RBM19: variants seen among roughly 807,000 people sequenced by gnomAD.
RBM19 encodes the protein probable RNA-binding protein 19.
In RBM19, 94 loss-of-function variants were observed where a neutral mutation model predicts 116.8. That is an observed-to-expected ratio of 0.80 (90% confidence interval 0.68 to 0.95). The LOEUF is 0.95. RBM19 is among the 40% of genes least tolerant of loss of function. The pLI is 0.00. For missense variants in RBM19, 1,161 were observed against 1,220.7 expected (o/e 0.95, Z 0.73); for synonymous variants, 475 against 494.1 (o/e 0.96, Z 0.51).
chr12:113,838,232 C>A (rs73393053), intron 23 of RBM19, among the ~76,000 whole-genome samples: 1 of 152,182 alleles, frequency 6.6e-6, no homozygotes, highest in Non-Finnish European at 1.5e-5. Flanking sequence ...ATTCACCCAG[C>A]GTGCATGGCT....
chr12:113,928,759 G>C (rs957521724), intron 16 of RBM19, among the ~76,000 whole-genome samples: 1 of 151,732 alleles, frequency 6.6e-6, no homozygotes, highest in African/African-American at 2.4e-5. Context: ...GAAGCCTCAG[G>C]AAGTTGGAAG....
intron 21 of RBM19, among the ~76,000 whole-genome samples, chr12:113,868,482 T>C (rs1188110828): frequency 1.3e-5 from 2 of 152,256 alleles, no homozygotes; most frequent in Admixed American, 6.5e-5. Flanking sequence ...TAAAGTCTTC[T>C]GGGATTTGGT....
chr12:113,835,135 C>T (rs995149531), intron 23 of RBM19, among the ~76,000 whole-genome samples: 22 of 152,174 alleles, frequency 1.4e-4, no homozygotes, highest in Admixed American at 1.4e-3. Context: ...GCACATTAGC[C>T]AGCTTTTCTG....
intron 22 of RBM19, among the ~76,000 whole-genome samples, chr12:113,846,729 T>C (rs905756534): frequency 9.9e-5 from 15 of 152,128 alleles, no homozygotes; most frequent in African/African-American, 3.1e-4. Context: ...TTAAAATGTG[T>C]TTTGAGGCAA....
intron 21 of RBM19, among the ~76,000 whole-genome samples, chr12:113,874,201 G>A (rs11066797): frequency 0.078 from 11,831 of 152,266 alleles, 629 homozygotes; most frequent in East Asian, 0.17. Context: ...CTACTGAATG[G>A]CCGGCACCCA....
At chr12:113,933,346 G>T (rs1869780064) in intron 16 of RBM19, among the ~76,000 whole-genome samples, 1 of 151,706 alleles carries the variant, frequency 6.6e-6, no homozygotes, top group South Asian at 2.1e-4. Context: ...AATGCAAAGA[G>T]GGTGGGGGTG....
At chr12:113,855,934 G>A (rs1170451237) in intron 22 of RBM19, among the ~76,000 whole-genome samples, 1 of 152,238 alleles carries the variant, frequency 6.6e-6, no homozygotes, top group African/African-American at 2.4e-5. Flanking sequence ...AGCTGGGGAG[G>A]GAGAAAGCAA....
At chr12:113,820,495 C>A (rs951758122), downstream of RBM19, among the ~76,000 whole-genome samples, 1 of 152,026 alleles carries the variant, frequency 6.6e-6, no homozygotes, top group Admixed American at 6.6e-5. Flanking sequence ...GGTGGGGCCT[C>A]GGTGCTGGGG....
At chr12:113,857,593 G>A (rs1048530834) in intron 22 of RBM19, among the ~76,000 whole-genome samples, 2 of 152,256 alleles carry the variant, frequency 1.3e-5, no homozygotes, top group Non-Finnish European at 2.9e-5. Context: ...GATGAGAGGC[G>A]AGGGAAAGGC....
chr12:113,931,115 G>A lies in RBM19; in HGVS notation c.2069-3886C>T, dbSNP rs184470885. Among the ~76,000 whole-genome samples, 293 of 152,304 alleles carry A rather than the reference G, an allele frequency of 1.9e-3. 4 individuals are homozygous for A. The highest frequency in any genetic ancestry group is 4.4e-4 in the Non-Finnish European group (30 of 68,032). On this transcript the variant is annotated intron_variant, in intron 16 of 23. Coordinates refer to ENST00000261741, the MANE Select transcript of RBM19 (RefSeq NM_016196.4). Reference sequence around the variant, plus strand: ...AGGACGATAATGTAATAATTATGACGAAGAATGCAAAATCTACATTTGAAG... The same window carrying A: ...AGGACGATAATGTAATAATTATGACAAAGAATGCAAAATCTACATTTGAAG...
intron 15 of RBM19, chr12:113,937,345 G>T: frequency 2.1e-6 from 1 of 471,646 alleles, no homozygotes; most frequent in South Asian, 3.6e-5. Context: ...TCAGGGTGCA[G>T]GAGAGAGGCT....
intron 8 of RBM19, among the ~76,000 whole-genome samples, chr12:113,951,219 C>T (rs990815673): frequency 6.6e-6 from 1 of 152,172 alleles, no homozygotes; most frequent in African/African-American, 2.4e-5. Flanking sequence ...AGCCTGCCTC[C>T]TCCCCAGCTC....
At chr12:113,927,826 T>C (rs1869243033) in intron 16 of RBM19, among the ~76,000 whole-genome samples, 1 of 152,010 alleles carries the variant, frequency 6.6e-6, no homozygotes, top group Non-Finnish European at 1.5e-5. Context: ...GAGTTATGCA[T>C]CACAGGGAAA....
In RBM19 at chr12:113,959,878, C is replaced by T; in HGVS notation, c.365G>A (p.Gly122Asp). ...GGACAGACTCACCTTCTCCAGTTGA[C>T]CTGCCACCTTTTTCTTCTTCTCATC... ...KKDEKKKKVA[G>D]QLEKLKEDTE... The change falls in exon 4 of 24, where the codon GGT (glycine) becomes GAT (aspartate). Residue 122 changes from glycine to aspartate, a missense_variant. Physicochemically the swap from Gly to Asp is moderately conservative, Grantham distance 94. Coordinates refer to ENST00000261741, the MANE Select transcript of RBM19 (RefSeq NM_016196.4). 1 of 1,614,192 alleles carries T rather than the reference C, an allele frequency of 6.2e-7. No homozygotes were observed. The highest frequency in any genetic ancestry group is 8.5e-7 in the Non-Finnish European group (1 of 1,180,028).
chr12:113,909,595 C>T (rs938902409), intron 21 of RBM19, among the ~76,000 whole-genome samples: 8 of 152,144 alleles, frequency 5.3e-5, no homozygotes, highest in Admixed American at 2.6e-4. Context: ...AGGAAGAAAG[C>T]GAAATCGGGT....
In RBM19 at chr12:113,940,033, C is replaced by T. The variant is rs1449416813; in HGVS notation, c.1865G>A (p.Gly622Glu). 7 of 1,614,138 alleles carry T rather than the reference C, an allele frequency of 4.3e-6. No individual in the cohort carries two copies. The highest frequency in any genetic ancestry group is 5.9e-6 in the Non-Finnish European group (7 of 1,180,016). Residue 622 changes from glycine to glutamate, a missense_variant, in exon 15 of 24, where the codon GGA (glycine) becomes GAA (glutamate). Physicochemically the swap from Gly to Glu is moderately conservative, Grantham distance 98. Transcript: ENST00000261741. ...SLGRVLLPEG[G>E]ITAIVEFLEP... ...CAGGAACTCCACGATGGCAGTGATT[C>T]CGCCCTCTGGCAGCAGCACGCGGCC...
intron 17 of RBM19, among the ~76,000 whole-genome samples, chr12:113,926,038 G>A (rs77770286): frequency 0.038 from 5,855 of 152,194 alleles, 153 homozygotes; most frequent in Non-Finnish European, 0.057. Flanking sequence ...CTCCTTAAAC[G>A]CTGCTGCTTT....
At chr12:113,916,180 G>C (rs910470739) in intron 20 of RBM19, among the ~76,000 whole-genome samples, 1 of 152,186 alleles carries the variant, frequency 6.6e-6, no homozygotes, top group Non-Finnish European at 1.5e-5. Context: ...GGAGGCTTAG[G>C]TGGATCACCT....
chr12:113,835,131 T>C (rs1350082899), intron 23 of RBM19, among the ~76,000 whole-genome samples: 1 of 152,178 alleles, frequency 6.6e-6, no homozygotes, highest in East Asian at 1.9e-4. Flanking sequence ...TGGAGCACAT[T>C]AGCCAGCTTT....
Sources: gnomAD v4.1 joint callset for allele counts (sites outside exome capture counted in the v4.1 genomes callset) on GRCh38, gnomAD v4.1.1 for gene constraint, MANE v1.5 for transcripts, NCBI Gene and HGNC (gene_info 2026-07-23, HGNC 2026-07-21) for gene names.